EXD3: variants seen among roughly 807,000 people sequenced by gnomAD.
EXD3 encodes exonuclease 3'-5' domain containing 3.
In EXD3, 92 loss-of-function variants were observed where a neutral mutation model predicts 98.0. That is an observed-to-expected ratio of 0.94 (90% CI 0.79 to 1.12). The LOEUF is 1.12. EXD3 is among the 50% of genes most tolerant of loss of function. EXD3 has a pLI of 0.00. For missense variants in EXD3, 1,222 were observed against 1,191.6 expected (o/e 1.03, Z -0.38); for synonymous variants, 569 against 526.0 (o/e 1.08, Z -1.12).
chr9:137,354,337 A>G lies in EXD3; in HGVS notation c.870+2T>C. The G allele has an allele frequency of 6.2e-7, 1 of 1,612,278 alleles. No individual in the cohort carries two copies. Among genetic ancestry groups the G allele is most frequent in the Non-Finnish European group, 8.5e-7 (1 of 1,179,690 alleles). On this transcript the variant is annotated splice_donor_variant, in intron 10 of 21. Coordinates refer to ENST00000340951, the MANE Select transcript of EXD3 (RefSeq NM_017820.5). LOFTEE classifies it high-confidence loss of function. ...GGCTTACAGGCAAGGGCACGAACTC[A>G]CCTGCACATGGTCGGTCCAGTTCTC...
At chr9:137,327,556 G>A (rs1263369693) in intron 17 of EXD3, among the ~76,000 whole-genome samples, 9 of 151,978 alleles carry the variant, frequency 5.9e-5, no homozygotes, top group South Asian at 2.1e-4. Context: ...GGTCAATTTC[G>A]TGTTATGTAT....
In EXD3 at chr9:137,324,314, G is replaced by C. The variant is rs1832266906; in HGVS notation, c.1999-171C>G. On this transcript the variant is annotated intron_variant, in intron 17 of 21. Transcript: ENST00000340951. The surrounding 1 kb of genome is among the most constrained non-coding windows in gnomAD (Gnocchi z 4.1). The stretch of plus-strand genomic sequence containing the variant: ...TTGGGTGGTGAGGAGCCCTCTGCCG[G>C]GTCCTGGGTGTCGCCTCATTGTATA... Among the ~76,000 whole-genome samples the C allele has an allele frequency of 6.6e-6, 1 of 152,178 alleles. No homozygotes were observed. Among genetic ancestry groups the C allele is most frequent in the Admixed American group, 6.5e-5 (1 of 15,276 alleles).
At chr9:137,402,684 C>A (rs2131797629) in intron 1 of EXD3, among the ~76,000 whole-genome samples, 1 of 152,324 alleles carries the variant, frequency 6.6e-6, no homozygotes, top group African/African-American at 2.4e-5. Context: ...CAAGTCGCTT[C>A]CACATTTTTG....
chr9:137,313,418 G>T (rs1298255752), intron 19 of EXD3, among the ~76,000 whole-genome samples: 1 of 152,160 alleles, frequency 6.6e-6, no homozygotes, highest in Non-Finnish European at 1.5e-5. Flanking sequence ...CACCAGGCTG[G>T]GAATGAGCCC....
intron 17 of EXD3, among the ~76,000 whole-genome samples, chr9:137,338,316 T>G (rs1260455574): frequency 6.6e-6 from 1 of 152,240 alleles, no homozygotes; most frequent in Non-Finnish European, 1.5e-5. Context: ...TCATAATTGA[T>G]ATTCAAACGT....
chr9:137,354,622 C>T (rs564075552), intron 9 of EXD3, 78 bp downstream of exon 9: 124 of 1,589,948 alleles, frequency 7.8e-5, no homozygotes, highest in South Asian at 3.7e-4. Flanking sequence ...CCCTGCAGTG[C>T]GCAGTGAGTA....
chr9:137,318,977 G>A (rs1014787530), intron 19 of EXD3, among the ~76,000 whole-genome samples: 8 of 152,248 alleles, frequency 5.3e-5, no homozygotes, highest in South Asian at 2.1e-4. Context: ...CACGTTGAGC[G>A]GGCTTTCCCT....
In EXD3 at chr9:137,407,870, G is replaced by T. The variant is rs1366062684; in HGVS notation, c.-47-12466C>A. ...AGGGGCACAGCAAAGGGTCTGGGGG[G>T]AGGCCGGAGGGGGCTTTCCCCTTGG... On this transcript the variant is annotated intron_variant, in intron 1 of 21. Coordinates refer to ENST00000340951, the MANE Select transcript of EXD3 (RefSeq NM_017820.5). The surrounding 1 kb of genome is among the most constrained non-coding windows in gnomAD (Gnocchi z 4.4). Among the ~76,000 whole-genome samples the T allele has an allele frequency of 6.6e-6, 1 of 152,056 alleles. No homozygotes were observed. The highest frequency in any genetic ancestry group is 1.9e-4 in the East Asian group (1 of 5,154).
chr9:137,352,919 C>G, intron 10 of EXD3, 133 bp from the exon 11 acceptor site: 8 of 1,435,224 alleles, frequency 5.6e-6, no homozygotes, highest in Non-Finnish European at 7.3e-6. Context: ...CAGCCGTCCA[C>G]CTGAGGCCTG....
intron 1 of EXD3, among the ~76,000 whole-genome samples, chr9:137,396,022 C>T (rs1482209897): frequency 3.3e-5 from 5 of 149,500 alleles, no homozygotes; most frequent in African/African-American, 5.0e-5. Context: ...GGCTGGAGTG[C>T]AGTGGGGCCA....
chr9:137,319,825 C>T (rs1466311173), intron 19 of EXD3, among the ~76,000 whole-genome samples: 2 of 152,204 alleles, frequency 1.3e-5, no homozygotes, highest in Admixed American at 1.3e-4. Context: ...CCCCATCGCA[C>T]TGGCCCTGAG....
At chr9:137,330,911 A>G (rs1044683702) in intron 17 of EXD3, among the ~76,000 whole-genome samples, 2 of 152,236 alleles carry the variant, frequency 1.3e-5, no homozygotes, top group Non-Finnish European at 1.5e-5. Flanking sequence ...CGTCAAGACC[A>G]TAAAACAAAC....
At chr9:137,391,264 T>C (rs1358685063) in intron 2 of EXD3, among the ~76,000 whole-genome samples, 2 of 152,204 alleles carry the variant, frequency 1.3e-5, no homozygotes, top group African/African-American at 2.4e-5. Flanking sequence ...GTAGGAAAAG[T>C]GGCCTCTCCT....
chr9:137,318,239 C>G (rs1831809606), intron 19 of EXD3, among the ~76,000 whole-genome samples: 1 of 152,224 alleles, frequency 6.6e-6, no homozygotes, highest in South Asian at 2.1e-4. Flanking sequence ...GTCTGCTGGG[C>G]TGGGGTCCAC....
chr9:137,312,502 G>A (rs537963912), intron 19 of EXD3, among the ~76,000 whole-genome samples: 17 of 152,282 alleles, frequency 1.1e-4, no homozygotes, highest in Admixed American at 3.3e-4. Flanking sequence ...CCTGGGGGCC[G>A]GGCCACCAGC....
intron 9 of EXD3, 53 bp from the exon 10 acceptor site, chr9:137,354,430 C>G: frequency 1.2e-6 from 2 of 1,610,266 alleles, no homozygotes; most frequent in East Asian, 4.5e-5. Flanking sequence ...GAGGCTGTAT[C>G]GGGGCCTGGT....
chr9:137,396,276 T>C (rs1440675430), intron 1 of EXD3, among the ~76,000 whole-genome samples: 1 of 151,728 alleles, frequency 6.6e-6, no homozygotes, highest in Non-Finnish European at 1.5e-5. Flanking sequence ...CCCCTGGGAG[T>C]GTTTTTGATG....
intron 5 of EXD3, among the ~76,000 whole-genome samples, chr9:137,372,252 T>G (rs1272887148): frequency 2.0e-5 from 3 of 152,212 alleles, no homozygotes; most frequent in Non-Finnish European, 4.4e-5. Context: ...ATCTCGCACC[T>G]GGGCGACTGT....
At chr9:137,350,926 A>G (rs765100573) in intron 14 of EXD3, 112 bp downstream of exon 14, 13 of 812,796 alleles carry the variant, frequency 1.6e-5, no homozygotes, top group African/African-American at 5.1e-5. Flanking sequence ...CTGTGCTGAC[A>G]GGAATCCGGC....
Sources: gnomAD v4.1 joint callset for allele counts (sites outside exome capture counted in the v4.1 genomes callset) on GRCh38, gnomAD v4.1.1 for gene constraint, Gnocchi (gnomAD v3.1) non-coding constraint, MANE v1.5 for transcripts, NCBI Gene and HGNC (gene_info 2026-07-23, HGNC 2026-07-21) for gene names.